CCDC22: variants seen among roughly 807,000 people sequenced by gnomAD.
The protein encoded by CCDC22 is coiled-coil domain-containing protein 22.
Under a neutral mutation model 53.1 loss-of-function variants are expected in CCDC22, and 4 were observed. The ratio of observed to expected loss-of-function variants is 0.08; its 90% confidence interval spans 0.04 to 0.17. CCDC22 has a LOEUF of 0.17. Among genes scored for constraint, CCDC22 ranks in the 10% least tolerant of loss-of-function variants. The pLI is 1.00. For missense variants in CCDC22, 458 were observed against 554.0 expected, an observed-to-expected ratio of 0.83 and a Z score of 1.74; for synonymous variants, 222 against 224.4, an observed-to-expected ratio of 0.99 and a Z score of 0.10.
intron 3 of CCDC22, 144 bp downstream of exon 3, chrX:49,242,292 G>A (rs2065967570): frequency 1.8e-6 from 2 of 1,087,388 alleles, no homozygotes; most frequent in East Asian, 6.7e-5. Flanking sequence ...TAGGCAGGAG[G>A]ATTAGGCATC....
intron 6 of CCDC22, 96 bp from the exon 7 acceptor site, chrX:49,246,635 C>T (rs908951413): frequency 3.9e-6 from 3 of 760,376 alleles, no homozygotes; most frequent in Non-Finnish European, 3.7e-6. Context: ...GGTGACTTGT[C>T]AGTATACTCT....
Position 49,248,680 on chromosome X carries a change from T to C in CCDC22, c.1377T>C (p.Ser459=), listed in dbSNP as rs2066005115. Residue 459 remains serine, a synonymous_variant, in exon 12 of 17, where the codon AGT becomes AGC. Transcript: ENST00000376227. The stretch of plus-strand genomic sequence containing the variant: ...CAGAGATCCAAGAACTGCACCAGAG[T>C]GTCCGGGCGGCTGCTGAAGAGGCCC... The part of the protein sequence containing the change: ...RLAEIQELHQ[S]VRAAAEEARR... The C allele has an allele frequency of 1.7e-6, 2 of 1,209,191 alleles. No homozygotes were observed. Among genetic ancestry groups the C allele is most frequent in the Non-Finnish European group, 2.2e-6 (2 of 894,714 alleles).
chrX:49,244,788 G>A (rs1557113954), intron 6 of CCDC22, among the ~76,000 whole-genome samples: 2 of 111,158 alleles, frequency 1.8e-5, no homozygotes, highest in Non-Finnish European at 3.8e-5. Context: ...CTCCTGACCT[G>A]AAGCAATCCA....
chrX:49,243,590 C>A (rs1569529263), intron 6 of CCDC22, 128 bp downstream of exon 6: 1 of 530,543 alleles, frequency 1.9e-6, no homozygotes, highest in East Asian at 3.8e-5. Context: ...GCTTACCTAG[C>A]TCCCCACCTG....
At chrX:49,247,976 G>A (rs782127638) in intron 9 of CCDC22, among the ~76,000 whole-genome samples, 11 of 111,152 alleles carry the variant, frequency 9.9e-5, no homozygotes, top group Non-Finnish European at 1.5e-4. Context: ...GGGGCACCGC[G>A]GGTCTGCATG....
rs1173550601 is a variant in CCDC22 at position 49,248,185 on chromosome X, G to C, written c.1093-6G>C. 8.3e-7 allele frequency: 1 copy of C among 1,201,342 alleles called. No individual in the cohort carries two copies. Among genetic ancestry groups the C allele is most frequent in the African/African-American group, 1.7e-5 (1 of 57,771 alleles). The stretch of plus-strand genomic sequence containing the variant: ...TGTGGCATGTGACTGGGTATCCACC[G>C]GCCAGGCAGAGTCTGAGTGCCGGCA... On this transcript the variant is annotated splice_polypyrimidine_tract_variant and splice_region_variant and intron_variant, in intron 9 of 16. Transcript: ENST00000376227.
intron 9 of CCDC22, 113 bp downstream of exon 9, chrX:49,247,881 G>T: frequency 3.1e-6 from 3 of 969,972 alleles, no homozygotes; most frequent in South Asian, 4.6e-5. Flanking sequence ...ATGGCAGAAG[G>T]GTTCCTGGGA....
At position 49,247,477 on chromosome X, in the gene CCDC22, CCCT is replaced by C. The variant is rs782673773; in HGVS notation, c.910-17_910-15del. 6.8e-6 allele frequency: 8 copies of C among 1,183,346 alleles called. No homozygotes were observed. Among genetic ancestry groups the C allele is most frequent in the Non-Finnish European group, 9.1e-6 (8 of 881,004 alleles). ...GGGCCTTCCCTGGCAGCCAGGATGC[CCCT>C]CGTCACTCCCCTTAGGAGCCCCAGG... On this transcript the variant is annotated splice_polypyrimidine_tract_variant and intron_variant, in intron 7 of 16. Coordinates refer to ENST00000376227, the MANE Select transcript of CCDC22 (RefSeq NM_014008.5).
chrX:49,247,499 C>T lies in CCDC22; in HGVS notation c.913C>T (p.Pro305Ser). The change falls in exon 8 of 17, where the codon CCC becomes TCC. Residue 305 changes from proline (P) to serine (S), a missense_variant. Transcript: ENST00000376227. ...HSEKFTFHLE[P>S]QAQATQVSDV... The stretch of plus-strand genomic sequence containing the variant: ...TGCCCCTCGTCACTCCCCTTAGGAG[C>T]CCCAGGCCCAGGCCACTCAGGTGTC... 2 of 1,194,483 alleles carry T rather than the reference C, an allele frequency of 1.7e-6. No individual in the cohort carries two copies.
chrX:49,239,951 G>T (rs2065955473), intron 2 of CCDC22, among the ~76,000 whole-genome samples: 1 of 109,515 alleles, frequency 9.1e-6, no homozygotes, highest in South Asian at 3.9e-4. Flanking sequence ...TTTTCCAGTG[G>T]CCAGGAGGTA....
At chrX:49,238,686 T>C (rs1270541427) in intron 2 of CCDC22, among the ~76,000 whole-genome samples, 4 of 111,683 alleles carry the variant, frequency 3.6e-5, no homozygotes, top group African/African-American at 1.3e-4. Context: ...TCTGCCTCAC[T>C]AGTAGCTAGG....
intron 13 of CCDC22, 70 bp from the exon 14 acceptor site, chrX:49,249,097 A>C (rs781976764): frequency 8.9e-7 from 1 of 1,123,088 alleles, no homozygotes; most frequent in African/African-American, 1.8e-5. Context: ...TGTCTGGTAC[A>C]CATGAGGACC....
rs937325181 is a variant in CCDC22, at chrX:49,246,815, A to G, written c.799A>G (p.Ile267Val). Residue 267 changes from isoleucine (I) to valine (V), a missense_variant, in exon 7 of 17, where the codon ATA becomes GTA. Ile to Val is a conservative substitution (Grantham distance 29). Around this residue, in one of 4 missense-constraint regions of CCDC22, gnomAD observed 309 missense variants for 312.3 expected, o/e 0.99. Coordinates refer to ENST00000376227, the MANE Select transcript of CCDC22 (RefSeq NM_014008.5). Reference sequence around the variant, plus strand: ...AAGCTGGGGCCTGCTTGGGGCCCCCATACAAGCCCGGGACCTGGGAGAACT... The same window carrying G: ...AAGCTGGGGCCTGCTTGGGGCCCCCGTACAAGCCCGGGACCTGGGAGAACT... ...RQSWGLLGAP[I>V]QARDLGELLQ... is the part of the protein sequence containing the mutation. The G allele has an allele frequency of 1.7e-5, 20 of 1,197,929 alleles. No homozygotes were observed. Among genetic ancestry groups the G allele is most frequent in the Non-Finnish European group, 2.3e-5 (20 of 888,601 alleles).
Position 49,249,208 on chromosome X carries a change from C to G in CCDC22, c.1581C>G (p.Ser527=). 8.3e-7 allele frequency: 1 copy of G among 1,211,087 alleles called. No individual in the cohort carries two copies. Among genetic ancestry groups the G allele is most frequent in the South Asian group, 1.8e-5 (1 of 56,975 alleles). The change falls in exon 14 of 17, where the codon TCC becomes TCG. Residue 527 remains serine (S), a synonymous_variant. Transcript: ENST00000376227. ...DTKELQKEIN[S]LSGKLDRTFA... is the part of the protein sequence containing the mutation. ...AGGAGCTTCAGAAGGAAATCAACTC[C>G]CTATCTGGGAAGCTGGACCGGACGT...
rs782610843 is a variant in CCDC22, at chrX:49,240,283, C to T, written c.229-1733C>T. Among the ~76,000 whole-genome samples the T allele has an allele frequency of 1.1e-4, 11 of 101,086 alleles. No homozygotes were observed. The East Asian group carries it at 1.2e-3, about 11-fold the overall frequency. 87.8% of individuals were successfully genotyped at this position (101,086 alleles called of 115,157 possible). ...AAAAAAAAAAAAAAAAGACTGGGGACGGTGGCTCCTGTAATTCCAGCACTT... is the reference window on the plus strand; with the variant it reads ...AAAAAAAAAAAAAAAAGACTGGGGATGGTGGCTCCTGTAATTCCAGCACTT... On this transcript the variant is annotated intron_variant, in intron 2 of 16. Transcript: ENST00000376227.
Position 49,237,145 on chromosome X carries a change from C to T in CCDC22, c.110C>T (p.Ala37Val), listed in dbSNP as rs782333361. Residue 37 changes from alanine to valine, a missense_variant, in exon 2 of 17, where the codon GCT becomes GTT. Coordinates refer to ENST00000376227, the MANE Select transcript of CCDC22 (RefSeq NM_014008.5). ...RAFTTELVVE[A>V]VVRCLRVINP... is the part of the protein sequence containing the mutation. ...TTCACCACTGAGCTGGTTGTAGAGG[C>T]TGTGGTCCGCTGCCTGCGTGTGATC... The T allele has an allele frequency of 8.3e-6, 10 of 1,210,543 alleles. No homozygotes were observed. Among genetic ancestry groups the T allele is most frequent in the Middle Eastern group, 2.3e-4 (1 of 4,374 alleles).
intron 16 of CCDC22, among the ~76,000 whole-genome samples, 158 bp downstream of exon 16, chrX:49,249,883 G>T (rs1285332989): frequency 4.4e-5 from 5 of 113,040 alleles, no homozygotes; most frequent in African/African-American, 1.6e-4. Flanking sequence ...GGCCTACTGT[G>T]AGCCCCAGCT....
At chrX:49,248,785 C>T (rs372354835) in intron 12 of CCDC22, 32 bp from the exon 13 acceptor site, 2 of 1,206,281 alleles carry the variant, frequency 1.7e-6, no homozygotes, top group East Asian at 5.9e-5. Flanking sequence ...GGGGGATGGT[C>T]CTGGGGCAGT....
In CCDC22 at chrX:49,235,861, A is replaced by ACACACACACACG. The variant is rs1317193784; in HGVS notation, c.50+178_50+179insACACACACGCAC. On this transcript the variant is annotated intron_variant, in intron 1 of 16. Coordinates refer to ENST00000376227, the MANE Select transcript of CCDC22 (RefSeq NM_014008.5). ...CACACACACACACACACACACACAC[A>ACACACACACACG]CACGCACACACACACCGCCCTCCCT... is the stretch of plus-strand genomic sequence containing the variant. 9.7e-3 allele frequency among the ~76,000 whole-genome samples: 1,024 copies of ACACACACACACG among 105,759 alleles called. 18 individuals carry two copies. Among genetic ancestry groups the ACACACACACACG allele is most frequent in the African/African-American group, 0.034 (980 of 28,426 alleles). 91.8% of individuals were successfully genotyped at this position (105,759 alleles called of 115,157 possible). A position where few individuals can be genotyped will look rare whatever the true frequency, so the allele number is the denominator to read the frequency against.
Sources: allele counts gnomAD v4.1 joint callset (sites outside exome capture counted in the v4.1 genomes callset), GRCh38; gene constraint gnomAD v4.1.1; regional missense constraint gnomAD v4.1.1; transcripts MANE v1.5; gene names NCBI Gene and HGNC (gene_info 2026-07-23, HGNC 2026-07-21).